The following ACVR1 variants were observed in gnomAD, a reference collection of about 807,000 sequenced individuals.
ACVR1 encodes activin A receptor type 1.
ACVR1 carries 38 observed loss-of-function variants against 57.1 expected under a neutral mutation model. The observed-to-expected ratio is 0.67, with a 90% CI of 0.51 to 0.87. The LOEUF (loss-of-function observed/expected upper bound fraction) is 0.87. Among genes scored for constraint, ACVR1 ranks in the 40% least tolerant of loss-of-function variants. The pLI, the probability that ACVR1 is intolerant of heterozygous loss-of-function variation, is 0.00. For synonymous variants in ACVR1, 212 were observed against 228.1 expected, an observed-to-expected ratio of 0.93 and a Z score of 0.63; for missense variants, 463 against 638.2, an observed-to-expected ratio of 0.73 and a Z score of 2.96.
chr2:157,811,418 C>A (rs2105321000), intron 2 of ACVR1, among the ~76,000 whole-genome samples: 1 of 152,234 alleles, frequency 6.6e-6, no homozygotes, highest in Non-Finnish European at 1.5e-5. Context: ...ATGTTCTTTT[C>A]TTTTCACTGT....
At chr2:157,826,838 GA>G (rs1200879717) in intron 1 of ACVR1, among the ~76,000 whole-genome samples, 1 of 123,178 alleles carries the variant, frequency 8.1e-6, no homozygotes, top group South Asian at 2.8e-4. Flanking sequence ...GGAGAGGGGA[GA>G]GGGGAAAAGG....
At chr2:157,840,049 T>A (rs1455771767) in intron 1 of ACVR1, among the ~76,000 whole-genome samples, 1 of 152,076 alleles carries the variant, frequency 6.6e-6, no homozygotes, top group Non-Finnish European at 1.5e-5. Context: ...CCAATCAGAG[T>A]GACTCTTGGG....
chr2:157,775,883 T>A (rs950467120), intron 5 of ACVR1, among the ~76,000 whole-genome samples: 2 of 152,180 alleles, frequency 1.3e-5, no homozygotes, highest in African/African-American at 4.8e-5. Flanking sequence ...AAGCCTTCTT[T>A]TTGTTCTTTT....
At position 157,766,175 on chromosome 2, in the gene ACVR1, G is replaced by A. The variant is rs1685853167; in HGVS notation, c.812C>T (p.Thr271Ile). Residue 271 changes from threonine to isoleucine, a missense_variant, in exon 8 of 11, where the codon ACA (threonine) becomes ATA (isoleucine). Thr to Ile is a moderately conservative substitution (Grantham distance 89, BLOSUM62 -1). Coordinates refer to ENST00000434821, the MANE Select transcript of ACVR1 (RefSeq NM_001111067.4). ...NILGFIASDM[T>I]SRHSSTQLWL... Reference sequence around the variant, plus strand: ...CAGCTGGGTACTGGAGTGTCTTGATGTCATGTCTGAAGCAATGAAACCTGG... The same window carrying A: ...CAGCTGGGTACTGGAGTGTCTTGATATCATGTCTGAAGCAATGAAACCTGG... The A allele has an allele frequency of 6.2e-7, 1 of 1,613,944 alleles. No individual in the cohort carries two copies. The highest frequency in any genetic ancestry group is 1.1e-5 in the South Asian group (1 of 91,080).
chr2:157,818,811 G>T (rs1688042406), intron 1 of ACVR1, among the ~76,000 whole-genome samples: 1 of 152,058 alleles, frequency 6.6e-6, no homozygotes, highest in Admixed American at 6.5e-5. Flanking sequence ...GGGCGCGGTG[G>T]CTCACGCCTG....
In ACVR1 at chr2:157,820,483, T is replaced by C. The variant is rs184794594; in HGVS notation, c.-182-1924A>G. On this transcript the variant is annotated intron_variant, in intron 1 of 10. Coordinates refer to ENST00000434821, the MANE Select transcript of ACVR1 (RefSeq NM_001111067.4). ...AACCATGTCTTTAAGTGAGAGTTAC[T>C]GTACTGGTAGGAAGAGGTTTAGATA... is the stretch of plus-strand genomic sequence containing the variant. Among the ~76,000 whole-genome samples, 365 of 152,320 alleles carry C rather than the reference T, an allele frequency of 2.4e-3. 1 individual carries two copies. The highest frequency in any genetic ancestry group is 0.014 in the Middle Eastern group (4 of 294).
intron 1 of ACVR1, among the ~76,000 whole-genome samples, chr2:157,842,713 A>G (rs1199791142): frequency 1.3e-5 from 2 of 152,288 alleles, no homozygotes; most frequent in South Asian, 2.1e-4. Flanking sequence ...AATTTACTCA[A>G]TTTCTAGCAT....
At chr2:157,752,384 T>A (rs1200694720) in intron 9 of ACVR1, among the ~76,000 whole-genome samples, 2 of 152,116 alleles carry the variant, frequency 1.3e-5, no homozygotes, top group East Asian at 3.8e-4. Context: ...ATTCTAGTAA[T>A]ATGACAAAAC....
intron 3 of ACVR1, among the ~76,000 whole-genome samples, chr2:157,780,806 A>G (rs186682592): frequency 3.2e-4 from 48 of 152,112 alleles, no homozygotes; most frequent in Middle Eastern, 6.8e-3. Context: ...ATAGCGATTC[A>G]TTTATATAAG....
intron 9 of ACVR1, among the ~76,000 whole-genome samples, chr2:157,742,684 A>C (rs978029595): frequency 1.3e-5 from 2 of 152,118 alleles, no homozygotes; most frequent in Non-Finnish European, 1.5e-5. Flanking sequence ...CCTTTAAAGC[A>C]CACACCACAA....
rs193138885 is a variant in ACVR1, at chr2:157,786,999, T to C, written c.68-6399A>G. Among the ~76,000 whole-genome samples, 71 of 152,120 alleles carry C rather than the reference T, an allele frequency of 4.7e-4. 1 individual carries two copies. The highest frequency in any genetic ancestry group is 1.5e-3 in the African/African-American group (63 of 41,496). Reference sequence around the variant, plus strand: ...CTCTGCTGAAGGTGATAAGGATTCCTAAGTCATCCTGCACTTGAACTGCTG... The same window carrying C: ...CTCTGCTGAAGGTGATAAGGATTCCCAAGTCATCCTGCACTTGAACTGCTG... On this transcript the variant is annotated intron_variant, in intron 3 of 10. Transcript: ENST00000434821.
intron 1 of ACVR1, among the ~76,000 whole-genome samples, chr2:157,842,923 C>G (rs1445603793): frequency 1.3e-5 from 2 of 152,096 alleles, no homozygotes; most frequent in Non-Finnish European, 2.9e-5. Flanking sequence ...GTACAAAGAA[C>G]AGTGTATTTA....
At chr2:157,763,429 G>A (rs1685739901) in intron 8 of ACVR1, among the ~76,000 whole-genome samples, 1 of 152,120 alleles carries the variant, frequency 6.6e-6, no homozygotes, top group African/African-American at 2.4e-5. Flanking sequence ...ATAATAAAAA[G>A]AAAAACAGAC....
At chr2:157,796,285 C>T (rs2105301926) in intron 3 of ACVR1, among the ~76,000 whole-genome samples, 1 of 151,674 alleles carries the variant, frequency 6.6e-6, no homozygotes, top group South Asian at 2.1e-4. Context: ...GCCAAGGTGG[C>T]TCAAGCCTAT....
rs1372677172 is a variant in ACVR1 at position 157,795,423 on chromosome 2, CACACAA to C, written c.67+3998_67+4003del. Among the ~76,000 whole-genome samples the C allele has an allele frequency of 6.3e-4, 84 of 133,080 alleles. 1 individual carries two copies. The highest frequency in any genetic ancestry group is 4.2e-3 in the Middle Eastern group (1 of 240). 87.3% of individuals were successfully genotyped at this position (133,080 alleles called of 152,430 possible). A position where few individuals can be genotyped will look rare whatever the true frequency, so the allele number is the denominator to read the frequency against. Reference sequence around the variant, plus strand: ...ACACACACACACACACACACACACACACACAAACACAATAGGGAGTTGAGTCACAGA... The same window carrying C: ...ACACACACACACACACACACACACACACACAATAGGGAGTTGAGTCACAGA... On this transcript the variant is annotated intron_variant, in intron 3 of 10. Transcript: ENST00000434821.
At chr2:157,854,600 G>A (rs1480870314) in intron 1 of ACVR1, among the ~76,000 whole-genome samples, 2 of 152,012 alleles carry the variant, frequency 1.3e-5, no homozygotes, top group Admixed American at 6.6e-5. Context: ...GCGGGCACTT[G>A]TAGACCCAGC....
At chr2:157,753,129 GC>G (rs1244497741) in intron 9 of ACVR1, among the ~76,000 whole-genome samples, 1 of 152,158 alleles carries the variant, frequency 6.6e-6, no homozygotes, top group Admixed American at 6.5e-5. Flanking sequence ...GATATTCCAT[GC>G]AAATGGACAC....
chr2:157,805,202 CTA>C (rs1687473502), intron 2 of ACVR1, among the ~76,000 whole-genome samples: 1 of 152,198 alleles, frequency 6.6e-6, no homozygotes, highest in South Asian at 2.1e-4. Context: ...AAGATGAACT[CTA>C]AAATTCTTTC....
intron 1 of ACVR1, among the ~76,000 whole-genome samples, chr2:157,860,396 C>T (rs1689680336): frequency 6.6e-6 from 1 of 152,176 alleles, no homozygotes; most frequent in Non-Finnish European, 1.5e-5. Context: ...ATGTGTTCAG[C>T]AGAATGCTAC....
Sources: gnomAD v4.1 joint callset for allele counts (sites outside exome capture counted in the v4.1 genomes callset) on GRCh38, gnomAD v4.1.1 for gene constraint, MANE v1.5 for transcripts, NCBI Gene and HGNC (gene_info 2026-07-23, HGNC 2026-07-21) for gene names.